The following SYT7 variants were observed in gnomAD, a reference collection of about 807,000 sequenced individuals.
The protein encoded by SYT7 is synaptotagmin 7, also known as synaptotagmin-7.
Under a neutral mutation model 75.1 loss-of-function variants are expected in SYT7, and 29 were observed. The observed-to-expected ratio is 0.39, with a 90% CI of 0.29 to 0.53. SYT7 has a LOEUF of 0.53. SYT7 is among the 20% of genes least tolerant of loss of function. SYT7 has a pLI of 0.77. For missense variants in SYT7, 693 were observed against 953.2 expected, an observed-to-expected ratio of 0.73 and a Z score of 3.59; for synonymous variants, 376 against 401.7, an observed-to-expected ratio of 0.94 and a Z score of 0.76.
chr11:61,551,665 C>G lies in SYT7; in HGVS notation c.136-202G>C, dbSNP rs377349714. Among the ~76,000 whole-genome samples the G allele has an allele frequency of 6.6e-6, 1 of 152,148 alleles. No individual in the cohort carries two copies. Among genetic ancestry groups the G allele is most frequent in the African/African-American group, 2.4e-5 (1 of 41,434 alleles). ...CCGGTTGGCAGCTCCTGGGCCCCATCGGGCTCTAGGACCTGCCCCACCCAC... is the reference window on the plus strand; with the variant it reads ...CCGGTTGGCAGCTCCTGGGCCCCATGGGGCTCTAGGACCTGCCCCACCCAC... On this transcript the variant is annotated intron_variant, in intron 2 of 12. Coordinates refer to ENST00000539008, the MANE Select transcript of SYT7 (RefSeq NM_001365809.2). This position sits in a 1 kb window ranked among gnomAD's most constrained non-coding sequence, Gnocchi z 5.3.
intron 7 of SYT7, among the ~76,000 whole-genome samples, chr11:61,535,809 C>T (rs1011950857): frequency 2.0e-5 from 3 of 152,176 alleles, no homozygotes; most frequent in African/African-American, 7.2e-5. Context: ...CCACCCCTTC[C>T]TCCAGAGACA....
chr11:61,538,245 T>C lies in SYT7; in HGVS notation c.963A>G (p.Leu321=), dbSNP rs1437147271. ...GTTCCGAAAGCCCTAAGACCAAGGA[T>C]AGCACCACCATCCGGCCTTCCCTGC... ...KSFLEGRMVV[L]SLVLGLSEQD... Residue 321 remains leucine (L), a synonymous_variant, in exon 7 of 13, where the codon CTA becomes CTG. Transcript: ENST00000539008. 4 of 1,534,978 alleles carry C rather than the reference T, an allele frequency of 2.6e-6. No homozygotes were observed. The highest frequency in any genetic ancestry group is 3.9e-5 in the Admixed American group (2 of 50,918).
rs2062179950 is a variant in SYT7, at chr11:61,517,579, G to T, written c.*1048C>A. ...GCACAGGCAGGGAGAGATGAGGAAGGGCAGGCAAGCTGGAAAGCATGGAGA... is the reference window on the plus strand; with the variant it reads ...GCACAGGCAGGGAGAGATGAGGAAGTGCAGGCAAGCTGGAAAGCATGGAGA... On this transcript the variant is annotated 3_prime_UTR_variant, in exon 13 of 13. Transcript: ENST00000539008. 5.0e-6 allele frequency: 2 copies of T among 399,490 alleles called. No homozygotes were observed. Among genetic ancestry groups the T allele is most frequent in the Admixed American group, 8.8e-5 (2 of 22,710 alleles). The allele number at this position is 399,490 out of a possible 1,614,324, so 24.7% of individuals were successfully genotyped here. A position where few individuals can be genotyped will look rare whatever the true frequency, so the allele number is the denominator to read the frequency against.
chr11:61,546,482 C>T lies in SYT7; in HGVS notation c.348-227G>A. ...CACTGCAAATGGGTTAACAGCGGAG[C>T]CTGCAGAGGAGAGAGGGGGACCGGG... On this transcript the variant is annotated intron_variant, in intron 4 of 12. Coordinates refer to ENST00000539008, the MANE Select transcript of SYT7 (RefSeq NM_001365809.2). This position sits in a 1 kb window ranked among gnomAD's most constrained non-coding sequence, Gnocchi z 7.6. 1 of 556,742 alleles carries T rather than the reference C, an allele frequency of 1.8e-6. No homozygotes were observed. Among genetic ancestry groups the T allele is most frequent in the East Asian group, 3.3e-5 (1 of 30,284 alleles). The allele number at this position is 556,742 out of a possible 1,614,324, so 34.5% of individuals were successfully genotyped here.
At position 61,524,014 on chromosome 11, in the gene SYT7, G is replaced by A. The variant is rs1448681403; in HGVS notation, c.1642-73C>T. On this transcript the variant is annotated intron_variant, in intron 10 of 12. Coordinates refer to ENST00000539008, the MANE Select transcript of SYT7 (RefSeq NM_001365809.2). The surrounding 1 kb of genome is among the most constrained non-coding windows in gnomAD (Gnocchi z 4.1). Reference sequence around the variant, plus strand: ...CTCTGATTGGCCTAGCTGCCCCCAGGTCCCCTCTACCCTGACCTTGGTGCT... The same window carrying A: ...CTCTGATTGGCCTAGCTGCCCCCAGATCCCCTCTACCCTGACCTTGGTGCT... The A allele has an allele frequency of 1.4e-6, 2 of 1,382,790 alleles. No homozygotes were observed. Among genetic ancestry groups the A allele is most frequent in the Non-Finnish European group, 2.1e-6 (2 of 974,706 alleles). 85.7% of individuals were successfully genotyped at this position (1,382,790 alleles called of 1,614,324 possible).
chr11:61,537,997 C>T lies in SYT7; in HGVS notation c.1064+147G>A, dbSNP rs1002274280. ...CCGAGGTGGCAGTGCGTGAGGGCACCGGCTGGGGAGGGGGCTTGTCCTTCC... is the reference window on the plus strand; with the variant it reads ...CCGAGGTGGCAGTGCGTGAGGGCACTGGCTGGGGAGGGGGCTTGTCCTTCC... On this transcript the variant is annotated intron_variant, in intron 7 of 12. Coordinates refer to ENST00000539008, the MANE Select transcript of SYT7 (RefSeq NM_001365809.2). 2.6e-5 allele frequency: 33 copies of T among 1,260,976 alleles called. No homozygotes were observed. In the Middle Eastern group the frequency reaches 8.2e-4, roughly 31 times the overall value. The allele number at this position is 1,260,976 out of a possible 1,614,324, so 78.1% of individuals were successfully genotyped here.
At chr11:61,531,231 C>A (rs541162271) in intron 8 of SYT7, 121 of 757,944 alleles carry the variant, frequency 1.6e-4, no homozygotes, top group Admixed American at 1.3e-3. Flanking sequence ...TGAGCATCCT[C>A]CCAGCACAGG....
chr11:61,540,888 C>G, intron 6 of SYT7: 1 of 985,504 alleles, frequency 1.0e-6, no homozygotes, highest in African/African-American at 1.7e-5. Context: ...AGACCGGAGG[C>G]TCTTCTGGGC....
chr11:61,527,471 C>T (rs2062555886), intron 9 of SYT7, among the ~76,000 whole-genome samples: 1 of 152,214 alleles, frequency 6.6e-6, no homozygotes, highest in Non-Finnish European at 1.5e-5. Context: ...GTGCACTGAA[C>T]CACTATGATC....
In SYT7 at chr11:61,523,036, G is replaced by A; in HGVS notation, c.1956+39C>T. On this transcript the variant is annotated intron_variant, in intron 12 of 12. Transcript: ENST00000539008. The surrounding 1 kb of genome is among the most constrained non-coding windows in gnomAD (Gnocchi z 5.0). ...TCTTTTAAGGAACGGAGCCTCACTG[G>A]TGCCAGCAGGTGCACCACACCACCT... The A allele has an allele frequency of 6.2e-7, 1 of 1,608,634 alleles. No homozygotes were observed. Among genetic ancestry groups the A allele is most frequent in the Non-Finnish European group, 8.5e-7 (1 of 1,175,776 alleles).
intron 3 of SYT7, among the ~76,000 whole-genome samples, chr11:61,548,002 C>T (rs1245822776): frequency 6.6e-6 from 1 of 152,212 alleles, no homozygotes; most frequent in East Asian, 1.9e-4. Context: ...CTCTGGCTTC[C>T]TCTGCTCTCT....
upstream of SYT7, among the ~76,000 whole-genome samples, chr11:61,581,545 C>A (rs1399578579): frequency 1.3e-5 from 2 of 152,236 alleles, no homozygotes; most frequent in African/African-American, 4.8e-5. Flanking sequence ...GGACTCAACA[C>A]CGCGGCGGTC....
intron 1 of SYT7, among the ~76,000 whole-genome samples, chr11:61,562,578 A>G (rs564383997): frequency 3.3e-5 from 5 of 152,196 alleles, no homozygotes; most frequent in Admixed American, 3.3e-4. Flanking sequence ...GTGGTAAATG[A>G]AATACTGGAT....
Position 61,577,893 on chromosome 11 carries a change from G to A in SYT7, c.31+2897C>T, listed in dbSNP as rs141375287. Reference sequence around the variant, plus strand: ...CTCCCTCCCTCTCTCTTTTCCTGCCGCTGTCCTGCCTGCCCACTGCAACGC... The same window carrying A: ...CTCCCTCCCTCTCTCTTTTCCTGCCACTGTCCTGCCTGCCCACTGCAACGC... On this transcript the variant is annotated intron_variant, in intron 1 of 12. Transcript: ENST00000539008. Among the ~76,000 whole-genome samples the A allele has an allele frequency of 4.3e-3, 648 of 152,272 alleles. 1 individual carries two copies. Among genetic ancestry groups the A allele is most frequent in the African/African-American group, 0.015 (621 of 41,552 alleles).
In SYT7 at chr11:61,575,414, C is replaced by T. The variant is rs555578255; in HGVS notation, c.31+5376G>A. On this transcript the variant is annotated intron_variant, in intron 1 of 12. Transcript: ENST00000539008. ...GGCCTGGGGAAGCAGTGCATACACA[C>T]ATGCACAGACCAGACCTAGTCACAA... 4.6e-5 allele frequency among the ~76,000 whole-genome samples: 7 copies of T among 152,308 alleles called. No homozygotes were observed. The East Asian group carries it at 1.2e-3, about 25-fold the overall frequency.
intron 12 of SYT7, among the ~76,000 whole-genome samples, 194 bp from the exon 13 acceptor site, chr11:61,518,925 C>G (rs1334354214): frequency 6.6e-6 from 1 of 152,242 alleles, no homozygotes; most frequent in Non-Finnish European, 1.5e-5. Context: ...TCCTGGTTGT[C>G]TACCCCCACA....
intron 5 of SYT7, among the ~76,000 whole-genome samples, chr11:61,543,583 C>T (rs1420840690): frequency 6.6e-6 from 1 of 152,226 alleles, no homozygotes; most frequent in Non-Finnish European, 1.5e-5. Context: ...CCTCTCTGGG[C>T]CTCAGTTTCT....
chr11:61,517,944 C>T lies in SYT7; in HGVS notation c.*683G>A, dbSNP rs1374488773. 2 of 200,986 alleles carry T rather than the reference C, an allele frequency of 1.0e-5. No homozygotes were observed. Among genetic ancestry groups the T allele is most frequent in the East Asian group, 2.3e-4 (2 of 8,886 alleles). The allele number at this position is 200,986 out of a possible 1,614,324, so 12.5% of individuals were successfully genotyped here. On this transcript the variant is annotated 3_prime_UTR_variant, in exon 13 of 13. Coordinates refer to ENST00000539008, the MANE Select transcript of SYT7 (RefSeq NM_001365809.2). ...GACCTCTGCCTCACCCGACCCCACT[C>T]AGCCCTATGGGCCTCTCCTCTCACA...
intron 1 of SYT7, among the ~76,000 whole-genome samples, chr11:61,575,217 C>G (rs1366334322): frequency 6.6e-6 from 1 of 152,146 alleles, no homozygotes; most frequent in African/African-American, 2.4e-5. Context: ...AGTCACCCCC[C>G]TTTCTCCTTC....
Sources: gnomAD v4.1 joint callset for allele counts (sites outside exome capture counted in the v4.1 genomes callset) on GRCh38, gnomAD v4.1.1 for gene constraint, Gnocchi (gnomAD v3.1) non-coding constraint, MANE v1.5 for transcripts, NCBI Gene and HGNC (gene_info 2026-07-23, HGNC 2026-07-21) for gene names.